IL9R: variants seen among roughly 807,000 people sequenced by gnomAD.
The protein encoded by IL9R is interleukin 9 receptor.
IL9R carries 54 observed loss-of-function variants against 56.3 expected under a neutral mutation model. The observed-to-expected ratio is 0.96, with a 90% confidence interval of 0.77 to 1.20. The LOEUF is 1.20. Among genes scored for constraint, IL9R ranks in the 50% most tolerant of loss-of-function variants. IL9R has a pLI of 0.00. For synonymous variants in IL9R, 212 were observed against 250.2 expected (o/e 0.85, Z 1.44); for missense variants, 545 against 629.8 (o/e 0.87, Z 1.44).
chrX:156,004,071 C>T, intron 4 of IL9R: 1 of 612,184 alleles, frequency 1.6e-6, no homozygotes, highest in Non-Finnish European at 2.9e-6. Context: ...AATAAACATG[C>T]ACGGCTGCTA....
rs1391325615 is a variant in IL9R at position 156,003,767 on chromosome X, T to A, written c.345T>A (p.Ser115=). The change falls in exon 4 of 9, where the codon TCT becomes TCA. Residue 115 remains serine (S), a synonymous_variant. Transcript: ENST00000244174. ...VLPPEAVLVP[S]DNFTITFHHC... ...CACCTGAGGCAGTGCTCGTGCCATC[T>A]GACAATTTCACCATCACTTTCCACC... The A allele has an allele frequency of 6.2e-7, 1 of 1,614,026 alleles. No individual in the cohort carries two copies. The highest frequency in any genetic ancestry group is 8.5e-7 in the Non-Finnish European group (1 of 1,179,874).
At chrX:156,008,435 CA>C (rs1307170033) in intron 8 of IL9R, among the ~76,000 whole-genome samples, 1 of 151,518 alleles carries the variant, frequency 6.6e-6, no homozygotes, top group Non-Finnish European at 1.5e-5. Context: ...GATTTTTGTC[CA>C]AAAATATAAT....
intron 1 of IL9R, among the ~76,000 whole-genome samples, chrX:155,998,308 G>T (rs1359260605): frequency 1.3e-5 from 2 of 151,874 alleles, no homozygotes; most frequent in Non-Finnish European, 2.9e-5. Flanking sequence ...AGCAGGTGAG[G>T]GTGGGATTCC....
intron 1 of IL9R, among the ~76,000 whole-genome samples, chrX:156,000,159 TAC>T (rs1419356915): frequency 3.3e-5 from 5 of 149,944 alleles, no homozygotes; most frequent in Admixed American, 3.3e-4. Flanking sequence ...TATATATATA[TAC>T]ACACATATAT....
chrX:156,005,464 G>A lies in IL9R; in HGVS notation c.766G>A (p.Ala256Thr). The A allele has an allele frequency of 6.2e-7, 1 of 1,612,800 alleles. No homozygotes were observed. Among genetic ancestry groups the A allele is most frequent in the South Asian group, 1.1e-5 (1 of 91,010 alleles). ...GTGGAGCCAGCCTGTGTGCTTCCAG[G>A]CTCCCCAGAGACAAGGTGGGCACTG... ...SEWSQPVCFQ[A>T]PQRQGPLIPP... The change falls in exon 6 of 9, where the codon GCT becomes ACT. Residue 256 changes from alanine (A) to threonine (T), a missense_variant. Ala to Thr is a moderately conservative substitution (Grantham distance 58). Transcript: ENST00000244174.
Position 156,005,466 on chromosome X carries a change from T to C in IL9R, c.768T>C (p.Ala256=), listed in dbSNP as rs746266343. The part of the protein sequence containing the change: ...SEWSQPVCFQ[A]PQRQGPLIPP... ...GGAGCCAGCCTGTGTGCTTCCAGGC[T>C]CCCCAGAGACAAGGTGGGCACTGCT... The change falls in exon 6 of 9, where the codon GCT becomes GCC. Residue 256 remains alanine, a synonymous_variant. Coordinates refer to ENST00000244174, the MANE Select transcript of IL9R (RefSeq NM_002186.3). 1 of 1,612,692 alleles carries C rather than the reference T, an allele frequency of 6.2e-7. No homozygotes were observed. The highest frequency in any genetic ancestry group is 1.7e-5 in the Admixed American group (1 of 59,998).
At chrX:155,997,857 T>C (rs1385684309) in intron 1 of IL9R, 70 bp downstream of exon 1, 1 of 1,449,868 alleles carries the variant, frequency 6.9e-7, no homozygotes, top group Non-Finnish European at 9.7e-7. Context: ...GAGGGACATG[T>C]GGCCCTCCAA....
intron 1 of IL9R, 73 bp downstream of exon 1, chrX:155,997,860 C>A: frequency 7.1e-7 from 1 of 1,416,950 alleles, no homozygotes; most frequent in Non-Finnish European, 1.0e-6. Flanking sequence ...GGACATGTGG[C>A]CCTCCAACTC....
At chrX:156,007,373 G>C (rs2068048474) in intron 7 of IL9R, 150 bp from the exon 8 acceptor site, 1 of 633,694 alleles carries the variant, frequency 1.6e-6, no homozygotes, top group African/African-American at 1.9e-5. Flanking sequence ...CCTGCCCTGA[G>C]AGTGGGTTGG....
downstream of IL9R, among the ~76,000 whole-genome samples, chrX:156,011,364 C>T (rs1603207124): frequency 9.5e-6 from 1 of 105,344 alleles, no homozygotes; most frequent in Non-Finnish European, 1.7e-5. Context: ...TTCTTGGGCT[C>T]CCATGAAACA....
At chrX:156,002,208 G>T (rs1319041650) in intron 1 of IL9R, among the ~76,000 whole-genome samples, 1 of 152,090 alleles carries the variant, frequency 6.6e-6, no homozygotes, top group Non-Finnish European at 1.5e-5. Context: ...AAATTAGCTG[G>T]GCATGGCGGG....
At chrX:156,001,619 T>TG in intron 1 of IL9R, 7 of 340,378 alleles carry the variant, frequency 2.1e-5, no homozygotes, top group East Asian at 1.4e-4. Context: ...GCCCATTGGT[T>TG]TGTGCGGTCC....
chrX:156,005,065 T>G (rs3093505), intron 5 of IL9R, among the ~76,000 whole-genome samples: 3 of 151,854 alleles, frequency 2.0e-5, no homozygotes, highest in African/African-American at 7.3e-5. Context: ...TGTGTGTGCA[T>G]ATGTGTATTT....
rs367560469 is a variant in IL9R, at chrX:156,009,873, C to T, written c.1030C>T (p.Pro344Ser). The part of the protein sequence containing the change: ...VLLSQDCAGT[P>S]QGALEPCVQE... The stretch of plus-strand genomic sequence containing the variant: ...GTTGAGCCAGGACTGTGCTGGCACC[C>T]CACAGGGAGCCTTGGAGCCCTGCGT... Residue 344 changes from proline to serine, a missense_variant, in exon 9 of 9, where the codon CCA becomes TCA. Physicochemically the swap from Pro to Ser is moderately conservative, Grantham distance 74. This residue lies in a region of IL9R where 114 missense variants were observed against 269.8 expected (regional missense o/e 0.42). Transcript: ENST00000244174. The T allele has an allele frequency of 1.3e-6, 2 of 1,536,052 alleles. No individual in the cohort carries two copies. Among genetic ancestry groups the T allele is most frequent in the Non-Finnish European group, 1.7e-6 (2 of 1,147,038 alleles).
chrX:156,010,056 C>G lies in IL9R; in HGVS notation c.1213C>G (p.Leu405Val), dbSNP rs2068390453. ...AGCTEWRVQT[L>V]AYLPQEDWAP... ...GTGTACGGAGTGGAGGGTACAGACG[C>G]TTGCCTATCTGCCACAGGAGGACTG... The change falls in exon 9 of 9, where the codon CTT becomes GTT. Residue 405 changes from leucine (L) to valine (V), a missense_variant. By Grantham distance (32) the Leu-to-Val change is conservative (BLOSUM62 1). Coordinates refer to ENST00000244174, the MANE Select transcript of IL9R (RefSeq NM_002186.3). 6.4e-7 allele frequency: 1 copy of G among 1,555,368 alleles called. No homozygotes were observed. The highest frequency in any genetic ancestry group is 8.7e-7 in the Non-Finnish European group (1 of 1,155,014).
rs144396345 is a variant in IL9R at position 156,005,376 on chromosome X, C to T, written c.678C>T (p.Val226=). 2 of 1,612,824 alleles carry T rather than the reference C, an allele frequency of 1.2e-6. No individual in the cohort carries two copies. The highest frequency in any genetic ancestry group is 1.7e-6 in the Non-Finnish European group (2 of 1,179,806). The change falls in exon 6 of 9, where the codon GTC becomes GTT. Residue 226 remains valine (V), a synonymous_variant. Transcript: ENST00000244174. The stretch of plus-strand genomic sequence containing the variant: ...TTATCCATGAGGCCAGGCTGCGTGT[C>T]CAGATGGCCACACTGGAGGATGATG... ...PGFIHEARLR[V]QMATLEDDVV...
intron 1 of IL9R, among the ~76,000 whole-genome samples, chrX:155,998,278 A>G (rs2067272468): frequency 6.6e-6 from 1 of 151,932 alleles, no homozygotes; most frequent in Non-Finnish European, 1.5e-5. Context: ...GGTATGCCCC[A>G]CTGGAGCTGT....
Position 155,997,796 on chromosome X carries a change from G to A in IL9R, c.28+9G>A. 1 of 1,612,864 alleles carries A rather than the reference G, an allele frequency of 6.2e-7. No individual in the cohort carries two copies. Among genetic ancestry groups the A allele is most frequent in the South Asian group, 1.1e-5 (1 of 90,998 alleles). ...CAGATGCATCTGGGAAGGTGAGTCTGTGCTTTGGGCTTCCCAACCTCTCAA... is the reference window on the plus strand; with the variant it reads ...CAGATGCATCTGGGAAGGTGAGTCTATGCTTTGGGCTTCCCAACCTCTCAA... On this transcript the variant is annotated intron_variant, in intron 1 of 8. Coordinates refer to ENST00000244174, the MANE Select transcript of IL9R (RefSeq NM_002186.3).
chrX:156,001,423 C>T (rs376314769), intron 1 of IL9R: 92 of 1,609,726 alleles, frequency 5.7e-5, no homozygotes, highest in Non-Finnish European at 6.6e-5. Context: ...GCTGCAAGAA[C>T]GGACAGACAC....
Sources: gnomAD v4.1 joint callset for allele counts (sites outside exome capture counted in the v4.1 genomes callset) on GRCh38, gnomAD v4.1.1 for gene constraint, gnomAD v4.1.1 regional missense constraint, MANE v1.5 for transcripts, NCBI Gene and HGNC (gene_info 2026-07-23, HGNC 2026-07-21) for gene names.